PCDHGA4: variants seen among roughly 807,000 people sequenced by gnomAD.
PCDHGA4 encodes the protein protocadherin gamma subfamily A, 4.
In PCDHGA4, 38 loss-of-function variants were observed where a neutral mutation model predicts 54.6. That is an observed-to-expected ratio of 0.70 (90% CI 0.54 to 0.91). PCDHGA4 has a LOEUF of 0.91. Ranked by LOEUF, PCDHGA4 falls within the 40% of genes least tolerant of loss-of-function variation. The pLI is 0.00. For missense variants in PCDHGA4, 1,298 were observed against 1,220.9 expected, an observed-to-expected ratio of 1.06 and a Z score of -0.94; for synonymous variants, 511 against 512.9, an observed-to-expected ratio of 1.00 and a Z score of 0.05.
chr5:141,495,221 G>A lies in PCDHGA4; in HGVS notation c.2573+356G>A, dbSNP rs376660961. On this transcript the variant is annotated intron_variant, in intron 2 of 3. Coordinates refer to ENST00000571252, the MANE Select transcript of PCDHGA4 (RefSeq NM_018917.4). ...ACTGCCTAACCCCCTCCCCTGAGTT[G>A]AGCTGGGCTCCATTATGACCTGGGG... Among the ~76,000 whole-genome samples, 26 of 152,300 alleles carry A rather than the reference G, an allele frequency of 1.7e-4. 1 individual carries two copies. The East Asian group carries it at 4.4e-3, about 26-fold the overall frequency.
chr5:141,393,108 A>G (rs1318511234), intron 1 of PCDHGA4: 6 of 1,613,438 alleles, frequency 3.7e-6, no homozygotes, highest in Non-Finnish European at 5.1e-6. Context: ...CTGCGCTCAG[A>G]GCCCGCGGTG....
In PCDHGA4 at chr5:141,511,125, A is replaced by T. The variant is rs755685600; in HGVS notation, c.2841A>T (p.Ala947=). Residue 947 remains alanine, a synonymous_variant, in exon 4 of 4, where the codon GCA becomes GCT. Transcript: ENST00000571252. ...GCAAGCGGGATGGCAAGGCCCCAGCAGGTGGCAATGGCAACAAGAAGAAGT... is the reference window on the plus strand; with the variant it reads ...GCAAGCGGGATGGCAAGGCCCCAGCTGGTGGCAATGGCAACAAGAAGAAGT... ...AAGKRDGKAP[A]GGNGNKKKSG... 2 of 1,614,216 alleles carry T rather than the reference A, an allele frequency of 1.2e-6. No individual in the cohort carries two copies. The highest frequency in any genetic ancestry group is 2.2e-5 in the South Asian group (2 of 91,092).
At position 141,489,852 on chromosome 5, in the gene PCDHGA4, C is replaced by G. The variant is rs1197191101; in HGVS notation, c.2515-4955C>G. ...TAGAGCAGCAGCTGGATCGTGAAGC[C>G]CAGGCAAGACATCAGCTGGTGCTTA... On this transcript the variant is annotated intron_variant, in intron 1 of 3. Transcript: ENST00000571252. This position sits in a 1 kb window ranked among gnomAD's most constrained non-coding sequence, Gnocchi z 4.5. The G allele has an allele frequency of 6.2e-7, 1 of 1,614,034 alleles. No homozygotes were observed. Among genetic ancestry groups the G allele is most frequent in the Admixed American group, 1.7e-5 (1 of 60,004 alleles).
intron 1 of PCDHGA4, among the ~76,000 whole-genome samples, chr5:141,456,640 TG>T (rs1258175023): frequency 6.6e-6 from 1 of 152,130 alleles, no homozygotes; most frequent in Non-Finnish European, 1.5e-5. Flanking sequence ...TTACTACAGG[TG>T]TTAATCCCAA....
At chr5:141,420,088 C>T in intron 1 of PCDHGA4, 5 of 1,614,002 alleles carry the variant, frequency 3.1e-6, no homozygotes, top group Non-Finnish European at 4.2e-6. Context: ...CCCCCAACTA[C>T]AGTGAGGGAA....
At chr5:141,495,400 C>T (rs554849650) in intron 2 of PCDHGA4, among the ~76,000 whole-genome samples, 4 of 152,278 alleles carry the variant, frequency 2.6e-5, no homozygotes, top group Non-Finnish European at 1.5e-5. Flanking sequence ...ATGGAGCAGG[C>T]CCCCTTCTCC....
intron 1 of PCDHGA4, among the ~76,000 whole-genome samples, chr5:141,472,980 C>CAAAAAAAAAAAAAAAAA (rs60579131): frequency 5.8e-5 from 5 of 86,060 alleles, no homozygotes; most frequent in African/African-American, 3.9e-5. Context: ...GAGTGAAACT[C>CAAAAAAAAAAAAAAAAA]AAAAAAAAAA....
chr5:141,397,199 T>A (rs1317536621), intron 1 of PCDHGA4, among the ~76,000 whole-genome samples: 1 of 152,156 alleles, frequency 6.6e-6, no homozygotes, highest in Non-Finnish European at 1.5e-5. Context: ...GTAAAAGATA[T>A]GACATAAGAG....
rs115565444 is a variant in PCDHGA4 at position 141,487,520 on chromosome 5, G to C, written c.2515-7287G>C. 1 of 1,614,166 alleles carries C rather than the reference G, an allele frequency of 6.2e-7. No individual in the cohort carries two copies. Among genetic ancestry groups the C allele is most frequent in the Non-Finnish European group, 8.5e-7 (1 of 1,180,042 alleles). ...CTTGGCTTCTGCACCCACTCGGAGT[G>C]ATAGCTTCATGATGGTGAAGTCACC... On this transcript the variant is annotated intron_variant, in intron 1 of 3. Coordinates refer to ENST00000571252, the MANE Select transcript of PCDHGA4 (RefSeq NM_018917.4). The surrounding 1 kb of genome is among the most constrained non-coding windows in gnomAD (Gnocchi z 5.0).
intron 1 of PCDHGA4, chr5:141,399,845 T>G: frequency 6.2e-7 from 1 of 1,612,982 alleles, no homozygotes; most frequent in Non-Finnish European, 8.5e-7. Context: ...CTCTTCGATA[T>G]GGTGCCGCGC....
intron 1 of PCDHGA4, chr5:141,414,898 G>T: frequency 6.2e-7 from 1 of 1,614,190 alleles, no homozygotes; most frequent in East Asian, 2.2e-5. Context: ...CCCCACAGAC[G>T]GTTCCACAGG....
At chr5:141,361,400 T>A in intron 1 of PCDHGA4, 1 of 1,613,988 alleles carries the variant, frequency 6.2e-7, no homozygotes, top group Non-Finnish European at 8.5e-7. Flanking sequence ...AATCTCACCA[T>A]CACAGCCACC....
In PCDHGA4 at chr5:141,361,888, G is replaced by A. The variant is rs201231976; in HGVS notation, c.2514+4267G>A. 488 of 1,610,218 alleles carry A rather than the reference G, an allele frequency of 3.0e-4. 1 individual carries two copies. The African/African-American group carries it at 5.4e-3, about 18-fold the overall frequency. On this transcript the variant is annotated intron_variant, in intron 1 of 3. Coordinates refer to ENST00000571252, the MANE Select transcript of PCDHGA4 (RefSeq NM_018917.4). ...TATGGTGCCACGCGCCGCAGAGCCC[G>A]GCTACCTGGTGACCAAGGTGGTGGC...
rs764337284 is a variant in PCDHGA4, at chr5:141,490,255, G to A, written c.2515-4552G>A. Reference sequence around the variant, plus strand: ...GGAGGGCCACTGTGTGATTCAAGTGGATGTGGGGGATGTCAATGACAATGC... The same window carrying A: ...GGAGGGCCACTGTGTGATTCAAGTGAATGTGGGGGATGTCAATGACAATGC... On this transcript the variant is annotated intron_variant, in intron 1 of 3. Transcript: ENST00000571252. The surrounding 1 kb of genome is among the most constrained non-coding windows in gnomAD (Gnocchi z 5.4). 6 of 1,614,118 alleles carry A rather than the reference G, an allele frequency of 3.7e-6. No individual in the cohort carries two copies. In the Admixed American group the frequency reaches 6.7e-5, roughly 18 times the overall value.
intron 1 of PCDHGA4, chr5:141,360,055 GAA>G: frequency 6.9e-7 from 1 of 1,446,612 alleles, no homozygotes; most frequent in Non-Finnish European, 9.1e-7. Flanking sequence ...ACAAAAGCAG[GAA>G]AAGTGACCTT....
intron 1 of PCDHGA4, among the ~76,000 whole-genome samples, chr5:141,447,276 A>G (rs2098532917): frequency 6.6e-6 from 1 of 151,994 alleles, no homozygotes; most frequent in South Asian, 2.1e-4. Flanking sequence ...AGTAGCTGGG[A>G]CTACAGGCAC....
intron 1 of PCDHGA4, chr5:141,407,957 G>A: frequency 1.5e-6 from 1 of 660,494 alleles, no homozygotes; most frequent in Non-Finnish European, 2.4e-6. Flanking sequence ...GGCCAGTGCA[G>A]AGCAAGCGCT....
At chr5:141,510,627 G>C (rs2099881988) in intron 3 of PCDHGA4, among the ~76,000 whole-genome samples, 2 of 152,090 alleles carry the variant, frequency 1.3e-5, no homozygotes, top group South Asian at 2.1e-4. Context: ...AACCAGAAGA[G>C]GTGGTTACCA....
At chr5:141,461,821 T>A (rs569091880) in intron 1 of PCDHGA4, among the ~76,000 whole-genome samples, 1 of 151,286 alleles carries the variant, frequency 6.6e-6, no homozygotes, top group South Asian at 2.1e-4. Context: ...ACCCAGCTAA[T>A]TTTTTTTTCT....
Sources: gnomAD v4.1 joint callset for allele counts (sites outside exome capture counted in the v4.1 genomes callset) on GRCh38, gnomAD v4.1.1 for gene constraint, Gnocchi (gnomAD v3.1) non-coding constraint, MANE v1.5 for transcripts, NCBI Gene and HGNC (gene_info 2026-07-23, HGNC 2026-07-21) for gene names.